Variants in SLC23A2 observed in about 807,000 individuals in gnomAD.
The protein encoded by SLC23A2 is solute carrier family 23 member 2, also known as Na(+)/L-ascorbic acid transporter 2.
SLC23A2 carries 36 observed loss-of-function variants against 73.3 expected under a neutral mutation model. The observed-to-expected ratio is 0.49, with a 90% CI of 0.38 to 0.65. The LOEUF (loss-of-function observed/expected upper bound fraction) is 0.65. Ranked by LOEUF, SLC23A2 falls within the 30% of genes least tolerant of loss-of-function variation. SLC23A2 has a pLI of 0.00. For synonymous variants in SLC23A2, 343 were observed against 327.3 expected, an observed-to-expected ratio of 1.05 and a Z score of -0.52; for missense variants, 507 against 841.6, an observed-to-expected ratio of 0.60 and a Z score of 4.92.
rs949469162 is a variant in SLC23A2 at position 4,995,530 on chromosome 20, T to C, written c.-282+5876A>G. ...CATCCTTCCAACTGTCCTAACTCAGTTACCCTCTCCCAGTCACATGCCTCT... is the reference window on the plus strand; with the variant it reads ...CATCCTTCCAACTGTCCTAACTCAGCTACCCTCTCCCAGTCACATGCCTCT... On this transcript the variant is annotated intron_variant, in intron 1 of 16. Transcript: ENST00000338244. Among the ~76,000 whole-genome samples the C allele has an allele frequency of 2.0e-5, 3 of 152,112 alleles. No individual in the cohort carries two copies. In the East Asian group the frequency reaches 5.8e-4, roughly 29 times the overall value.
upstream of SLC23A2, among the ~76,000 whole-genome samples, chr20:5,006,464 A>G (rs2088192330): frequency 6.6e-6 from 1 of 152,096 alleles, no homozygotes; most frequent in Admixed American, 6.6e-5. Flanking sequence ...GGGGGTGGGG[A>G]AAATAAGATT....
At chr20:4,996,560 C>A (rs369097540) in intron 1 of SLC23A2, among the ~76,000 whole-genome samples, 4 of 151,866 alleles carry the variant, frequency 2.6e-5, no homozygotes, top group Non-Finnish European at 5.9e-5. Context: ...GTGGTATGCA[C>A]CCATAATCCC....
In SLC23A2 at chr20:4,857,494, C is replaced by T. The variant is rs930356556; in HGVS notation, c.1721-290G>A. Among the ~76,000 whole-genome samples the T allele has an allele frequency of 6.6e-6, 1 of 152,198 alleles. No homozygotes were observed. The highest frequency in any genetic ancestry group is 2.4e-5 in the African/African-American group (1 of 41,442). On this transcript the variant is annotated intron_variant, in intron 16 of 16. Coordinates refer to ENST00000338244, the MANE Select transcript of SLC23A2 (RefSeq NM_005116.6). The surrounding 1 kb of genome is among the most constrained non-coding windows in gnomAD (Gnocchi z 4.0). ...CTAATGACCTTCTGACCTCCCTATC[C>T]TTCTATGTGACCCATATTCTCAATT...
intron 7 of SLC23A2, among the ~76,000 whole-genome samples, chr20:4,885,186 C>G (rs1174696565): frequency 6.6e-6 from 1 of 152,156 alleles, no homozygotes; most frequent in Non-Finnish European, 1.5e-5. Context: ...AAACAGAGGG[C>G]CTTTTCCAGT....
rs377683688 is a variant in SLC23A2, at chr20:4,998,932, G to A, written c.-282+2474C>T. Among the ~76,000 whole-genome samples, 3 of 151,958 alleles carry A rather than the reference G, an allele frequency of 2.0e-5. No homozygotes were observed. In the East Asian group the frequency reaches 5.8e-4, roughly 29 times the overall value. On this transcript the variant is annotated intron_variant, in intron 1 of 16. Transcript: ENST00000338244. This position sits in a 1 kb window ranked among gnomAD's most constrained non-coding sequence, Gnocchi z 4.1. ...CGATTCTCCTGCCTCAGCCTCCTGA[G>A]TAGCCGGAAATACAGGCATGCGCCA...
chr20:4,880,187 T>G (rs1930826949), intron 9 of SLC23A2, among the ~76,000 whole-genome samples: 1 of 152,230 alleles, frequency 6.6e-6, no homozygotes, highest in South Asian at 2.1e-4. Context: ...CTGGGGAGTT[T>G]CCCTCCTTTC....
intron 1 of SLC23A2, among the ~76,000 whole-genome samples, chr20:4,982,388 T>C (rs948075507): frequency 2.4e-4 from 36 of 152,324 alleles, no homozygotes; most frequent in African/African-American, 7.9e-4. Context: ...CAGATAAACA[T>C]TGTCTCAAGA....
At chr20:4,933,565 G>T (rs1042676883) in intron 2 of SLC23A2, among the ~76,000 whole-genome samples, 1 of 151,972 alleles carries the variant, frequency 6.6e-6, no homozygotes. Context: ...GAAGGCGGAG[G>T]TTGCAGTGAG....
upstream of SLC23A2, among the ~76,000 whole-genome samples, chr20:5,005,029 A>AAATAAATG (rs1399681952): frequency 1.3e-5 from 2 of 150,786 alleles, no homozygotes; most frequent in Non-Finnish European, 3.0e-5. Context: ...ATAAATAAAT[A>AAATAAATG]AATAAATAAA....
intron 4 of SLC23A2, among the ~76,000 whole-genome samples, chr20:4,912,148 A>G (rs1189845961): frequency 2.0e-5 from 3 of 151,744 alleles, no homozygotes; most frequent in Non-Finnish European, 4.4e-5. Context: ...CCCAGATTGG[A>G]GCCGCTTTGG....
chr20:4,855,719 T>A lies in SLC23A2; in HGVS notation c.*1253A>T, dbSNP rs1929690498. The A allele has an allele frequency of 6.5e-6, 1 of 152,690 alleles. No homozygotes were observed. The highest frequency in any genetic ancestry group is 2.1e-4 in the South Asian group (1 of 4,836). The allele number at this position is 152,690 out of a possible 1,614,324, so 9.5% of individuals were successfully genotyped here. A position where few individuals can be genotyped will look rare whatever the true frequency, so the allele number is the denominator to read the frequency against. On this transcript the variant is annotated 3_prime_UTR_variant, in exon 17 of 17. Coordinates refer to ENST00000338244, the MANE Select transcript of SLC23A2 (RefSeq NM_005116.6). ...GACAGACCGTTCCACGTGGCGGCTC[T>A]GCGTGTTACCTGCCCCAGCTTCCCT...
chr20:4,860,942 G>A (rs1929942014), intron 15 of SLC23A2, among the ~76,000 whole-genome samples: 1 of 152,234 alleles, frequency 6.6e-6, no homozygotes, highest in African/African-American at 2.4e-5. Context: ...TTGGGAGGCT[G>A]AGGCAGGAGA....
intron 1 of SLC23A2, 120 bp from the exon 2 acceptor site, chr20:4,971,039 T>C (rs533408469): frequency 6.6e-6 from 1 of 152,204 alleles, no homozygotes; most frequent in Non-Finnish European, 1.5e-5. Flanking sequence ...CTATTACTAC[T>C]TCATTTTTAT....
intron 3 of SLC23A2, among the ~76,000 whole-genome samples, chr20:4,932,034 C>T (rs1345528142): frequency 3.3e-5 from 5 of 152,194 alleles, no homozygotes; most frequent in African/African-American, 7.2e-5. Flanking sequence ...ACTACCTCTA[C>T]GCTGGACACT....
intron 9 of SLC23A2, among the ~76,000 whole-genome samples, chr20:4,882,425 T>A (rs1433146784): frequency 6.6e-6 from 1 of 151,942 alleles, no homozygotes; most frequent in Non-Finnish European, 1.5e-5. Flanking sequence ...CATGCTCATG[T>A]GTGAGATGTG....
In SLC23A2 at chr20:4,868,263, G is replaced by A. The variant is rs908000671; in HGVS notation, c.1251-388C>T. On this transcript the variant is annotated intron_variant, in intron 12 of 16. Transcript: ENST00000338244. This position sits in a 1 kb window ranked among gnomAD's most constrained non-coding sequence, Gnocchi z 4.4. ...TAATTTTTGTATTTTTAGTAGAGAC[G>A]GGGTTTCACCATGTGGCCAGGCTGG... 1.3e-5 allele frequency among the ~76,000 whole-genome samples: 2 copies of A among 151,910 alleles called. No homozygotes were observed. Among genetic ancestry groups the A allele is most frequent in the Admixed American group, 1.3e-4 (2 of 15,242 alleles).
intron 1 of SLC23A2, among the ~76,000 whole-genome samples, chr20:4,977,474 G>T (rs2122248910): frequency 6.6e-6 from 1 of 152,018 alleles, no homozygotes; most frequent in East Asian, 1.9e-4. Flanking sequence ...AGATCACGAG[G>T]TCAGGAGTTC....
chr20:4,903,833 G>T (rs1931837758), intron 4 of SLC23A2, among the ~76,000 whole-genome samples: 1 of 152,214 alleles, frequency 6.6e-6, no homozygotes, highest in Non-Finnish European at 1.5e-5. Flanking sequence ...TGGGAGAAAT[G>T]GTAGAAAAAG....
At chr20:4,895,269 G>A (rs1454854333) in intron 6 of SLC23A2, among the ~76,000 whole-genome samples, 1 of 152,172 alleles carries the variant, frequency 6.6e-6, no homozygotes, top group Admixed American at 6.5e-5. Context: ...GAGGCCATCT[G>A]CCATCCTTCC....
Sources: gnomAD v4.1 joint callset for allele counts (sites outside exome capture counted in the v4.1 genomes callset) on GRCh38, gnomAD v4.1.1 for gene constraint, Gnocchi (gnomAD v3.1) non-coding constraint, MANE v1.5 for transcripts, NCBI Gene and HGNC (gene_info 2026-07-23, HGNC 2026-07-21) for gene names.